ARL15: variants seen among roughly 807,000 people sequenced by gnomAD.
ARL15 encodes the protein ADP-ribosylation factor-like protein 15.
Under a neutral mutation model 25.2 loss-of-function variants are expected in ARL15, and 19 were observed. That is an observed-to-expected ratio of 0.75 (90% CI 0.53 to 1.10). The LOEUF (loss-of-function observed/expected upper bound fraction) is 1.10. Ranked by LOEUF, ARL15 falls within the 50% of genes least tolerant of loss-of-function variation. ARL15 has a pLI of 0.00. For synonymous variants in ARL15, 94 were observed against 86.8 expected, an observed-to-expected ratio of 1.08 and a Z score of -0.46; for missense variants, 220 against 246.0, an observed-to-expected ratio of 0.89 and a Z score of 0.71.
chr5:54,225,052 TCTCTAAAAATGAGGCAAACAATAC>T (rs1756481409), intron 1 of ARL15, among the ~76,000 whole-genome samples: 1 of 152,204 alleles, frequency 6.6e-6, no homozygotes, highest in South Asian at 2.1e-4. Context: ...CAACTATTTT[TCTCTAAAAATGAGGCAAACAATAC>T]CTCATAGGGT....
Position 54,255,310 on chromosome 5 carries a change from C to G in ARL15, c.48+55122G>C, listed in dbSNP as rs530862532. ...AGGAGAATGTTTAAAACATACAAAT[C>G]ACCCTATAAACATAAAAAATAAAAA... On this transcript the variant is annotated intron_variant, in intron 1 of 4. Coordinates refer to ENST00000504924, the MANE Select transcript of ARL15 (RefSeq NM_019087.3). 2.6e-5 allele frequency among the ~76,000 whole-genome samples: 4 copies of G among 152,012 alleles called. No homozygotes were observed. In the South Asian group the frequency reaches 8.3e-4, roughly 32 times the overall value.
In ARL15 at chr5:53,886,294, A is replaced by G. The variant is rs1319572964; in HGVS notation, c.*267T>C. ...ACAGAGTATAGAAGAGATGCTTAGAACAACAGAAGGAAGAGACATGCGGGG... is the reference window on the plus strand; with the variant it reads ...ACAGAGTATAGAAGAGATGCTTAGAGCAACAGAAGGAAGAGACATGCGGGG... On this transcript the variant is annotated 3_prime_UTR_variant, in exon 5 of 5. Transcript: ENST00000504924. 3 of 351,676 alleles carry G rather than the reference A, an allele frequency of 8.5e-6. No homozygotes were observed. Among genetic ancestry groups the G allele is most frequent in the South Asian group, 8.2e-5 (2 of 24,534 alleles). 21.8% of individuals were successfully genotyped at this position (351,676 alleles called of 1,614,324 possible). A position where few individuals can be genotyped will look rare whatever the true frequency, so the allele number is the denominator to read the frequency against.
intron 1 of ARL15, among the ~76,000 whole-genome samples, chr5:54,182,623 G>A (rs1164539993): frequency 1.4e-5 from 2 of 148,092 alleles, no homozygotes; most frequent in Non-Finnish European, 1.5e-5. Context: ...GATTGACTTG[G>A]CGATGCGGGC....
At chr5:54,226,334 C>T (rs73120740) in intron 1 of ARL15, among the ~76,000 whole-genome samples, 85 of 152,294 alleles carry the variant, frequency 5.6e-4, no homozygotes, top group African/African-American at 1.9e-3. Flanking sequence ...AGTGAAAGAA[C>T]AGAAGGCTGT....
At chr5:54,036,997 T>G (rs533605082) in intron 4 of ARL15, among the ~76,000 whole-genome samples, 8 of 152,132 alleles carry the variant, frequency 5.3e-5, no homozygotes, top group African/African-American at 1.9e-4. Flanking sequence ...GGTTTATATC[T>G]TTTATAATTA....
chr5:54,005,035 AG>A (rs113013388), intron 4 of ARL15, among the ~76,000 whole-genome samples: 41,772 of 151,724 alleles, frequency 0.28, 5,959 homozygotes, highest in East Asian at 0.45. Context: ...TATTTTAAAT[AG>A]GGAGGAGTTC....
chr5:54,071,298 A>G (rs1751410507), intron 4 of ARL15, among the ~76,000 whole-genome samples: 1 of 152,228 alleles, frequency 6.6e-6, no homozygotes, highest in Non-Finnish European at 1.5e-5. Context: ...ATCTTTAGAT[A>G]TACCAATAAA....
intron 4 of ARL15, among the ~76,000 whole-genome samples, chr5:53,985,122 T>C (rs1201037965): frequency 6.6e-6 from 1 of 152,226 alleles, no homozygotes; most frequent in South Asian, 2.1e-4. Flanking sequence ...TACATGCAAA[T>C]GTTGTACTCA....
At chr5:54,068,488 GTTTC>G (rs1486470241) in intron 4 of ARL15, among the ~76,000 whole-genome samples, 1 of 152,156 alleles carries the variant, frequency 6.6e-6, no homozygotes, top group Non-Finnish European at 1.5e-5. Flanking sequence ...TCTCTTTTCT[GTTTC>G]TTTATCTCTA....
chr5:53,890,368 G>A (rs1443539067), intron 4 of ARL15, among the ~76,000 whole-genome samples: 1 of 151,826 alleles, frequency 6.6e-6, no homozygotes, highest in Non-Finnish European at 1.5e-5. Context: ...TTTTTATGAT[G>A]GACATACAAT....
At chr5:54,259,614 C>T (rs891626616) in intron 1 of ARL15, among the ~76,000 whole-genome samples, 2 of 152,132 alleles carry the variant, frequency 1.3e-5, no homozygotes, top group East Asian at 3.9e-4. Context: ...AACATTCAGA[C>T]ACCCAAAAAT....
At chr5:53,943,308 G>T (rs1041357766) in intron 4 of ARL15, among the ~76,000 whole-genome samples, 14 of 152,298 alleles carry the variant, frequency 9.2e-5, no homozygotes, top group African/African-American at 2.9e-4. Context: ...TGTGTAAAAG[G>T]TTAGTAGATT....
chr5:54,089,318 A>G (rs1752064434), intron 4 of ARL15, among the ~76,000 whole-genome samples: 8 of 152,172 alleles, frequency 5.3e-5, no homozygotes. Context: ...AGTTTCAGAC[A>G]TTTCTTCTGT....
intron 4 of ARL15, among the ~76,000 whole-genome samples, chr5:54,065,811 T>C (rs1248974660): frequency 6.6e-6 from 1 of 151,144 alleles, no homozygotes; most frequent in Non-Finnish European, 1.5e-5. Flanking sequence ...TCATTAATAA[T>C]TTTCAGTACT....
chr5:54,218,954 T>C (rs1028500337), intron 1 of ARL15, among the ~76,000 whole-genome samples: 4 of 150,346 alleles, frequency 2.7e-5, no homozygotes, highest in African/African-American at 9.8e-5. Context: ...GTCTATGGAT[T>C]TTAACGTTTT....
At chr5:54,151,344 AT>A (rs1561243994) in intron 3 of ARL15, among the ~76,000 whole-genome samples, 2 of 151,992 alleles carry the variant, frequency 1.3e-5, no homozygotes, top group African/African-American at 2.4e-5. Context: ...TCTGCACTTA[AT>A]TTTTTTCCCT....
chr5:54,124,751 G>C (rs772042446), intron 3 of ARL15, among the ~76,000 whole-genome samples: 1 of 152,114 alleles, frequency 6.6e-6, no homozygotes, highest in African/African-American at 2.4e-5. Context: ...GGCATCATAG[G>C]TGCTCAATGA....
intron 4 of ARL15, among the ~76,000 whole-genome samples, chr5:54,079,685 T>G (rs1488561493): frequency 3.9e-5 from 6 of 152,012 alleles, no homozygotes; most frequent in Non-Finnish European, 8.8e-5. Context: ...AGATGCATAT[T>G]AAGGCCAGGC....
At chr5:54,094,274 C>T (rs949992029) in intron 4 of ARL15, among the ~76,000 whole-genome samples, 1 of 152,026 alleles carries the variant, frequency 6.6e-6, no homozygotes, top group Non-Finnish European at 1.5e-5. Flanking sequence ...CCTAATAGTA[C>T]TTCAATTTCT....
Sources: allele counts gnomAD v4.1 joint callset (sites outside exome capture counted in the v4.1 genomes callset), GRCh38; gene constraint gnomAD v4.1.1; transcripts MANE v1.5; gene names NCBI Gene and HGNC (gene_info 2026-07-23, HGNC 2026-07-21).